The following SLC11A2 variants were observed in gnomAD, a reference collection of about 807,000 sequenced individuals.
SLC11A2 encodes natural resistance-associated macrophage protein 2.
SLC11A2 carries 38 observed loss-of-function variants against 68.0 expected under a neutral mutation model. The observed-to-expected ratio is 0.56, with a 90% CI of 0.43 to 0.73. The LOEUF (loss-of-function observed/expected upper bound fraction) is 0.73, where lower values mean the gene tolerates loss of function less well. Among genes scored for constraint, SLC11A2 ranks in the 30% least tolerant of loss-of-function variants. The pLI is 0.00. For missense variants in SLC11A2, 517 were observed against 690.5 expected, an observed-to-expected ratio of 0.75 and a Z score of 2.82; for synonymous variants, 242 against 250.6, an observed-to-expected ratio of 0.97 and a Z score of 0.32.
rs1368633277 is a variant in SLC11A2, at chr12:51,008,336, T to G, written c.183+140A>C. 4 of 661,094 alleles carry G rather than the reference T, an allele frequency of 6.1e-6. No homozygotes were observed. The East Asian group carries it at 8.5e-5, about 14-fold the overall frequency. The allele number at this position is 661,094 out of a possible 1,614,324, so 41.0% of individuals were successfully genotyped here. On this transcript the variant is annotated intron_variant, in intron 3 of 15. Coordinates refer to ENST00000262052, the MANE Select transcript of SLC11A2 (RefSeq NM_000617.3). ...GTGTGTGTGTGTGTGTATATATATA[T>G]ATAGATATATAGATATAGTCTTCAG...
At chr12:50,955,783 C>A in the SLC11A2 span, among the ~76,000 whole-genome samples, 6 of 151,916 alleles carry the variant, frequency 3.9e-5, no homozygotes, top group Admixed American at 2.0e-4. Context: ...AAAAAAAATT[C>A]GAAAACTCAA....
the SLC11A2 span, among the ~76,000 whole-genome samples, chr12:50,955,960 A>G: frequency 6.6e-6 from 1 of 152,286 alleles, no homozygotes; most frequent in Non-Finnish European, 1.5e-5. Context: ...AATTATAAAC[A>G]AACTAGAGAC....
At chr12:50,994,887 T>C in intron 10 of SLC11A2, 1 of 465,888 alleles carries the variant, frequency 2.1e-6, no homozygotes, top group Non-Finnish European at 3.9e-6. Flanking sequence ...GCTGGGGTAC[T>C]TTAAATGATG....
At chr12:51,005,926 T>A (rs1592382923) in intron 3 of SLC11A2, 1 of 335,018 alleles carries the variant, frequency 3.0e-6, no homozygotes, top group African/African-American at 2.1e-5. Flanking sequence ...CAGGCCATGA[T>A]GGGAGGGAGG....
chr12:50,973,222 C>T, the SLC11A2 span, among the ~76,000 whole-genome samples: 1 of 152,158 alleles, frequency 6.6e-6, no homozygotes, highest in Non-Finnish European at 1.5e-5. Context: ...CCCAAGTAGC[C>T]TAACTGGGAG....
the SLC11A2 span, among the ~76,000 whole-genome samples, chr12:50,967,096 G>A: frequency 6.7e-6 from 1 of 149,710 alleles, no homozygotes; most frequent in African/African-American, 2.5e-5. Context: ...CTTGGGTGAT[G>A]GAGCAAGACT....
At chr12:50,967,184 T>C in the SLC11A2 span, among the ~76,000 whole-genome samples, 1 of 151,920 alleles carries the variant, frequency 6.6e-6, no homozygotes, top group African/African-American at 2.4e-5. Context: ...GGTGCAATCA[T>C]GGCTCACTGC....
chr12:50,997,873 A>T (rs1045871025), intron 8 of SLC11A2, among the ~76,000 whole-genome samples: 1 of 151,578 alleles, frequency 6.6e-6, no homozygotes, highest in African/African-American at 2.4e-5. Context: ...CCGTAATCCC[A>T]GCTACGTGGG....
At chr12:51,004,938 A>C in intron 4 of SLC11A2, 31 bp from the exon 5 acceptor site, 1 of 1,612,848 alleles carries the variant, frequency 6.2e-7, no homozygotes, top group South Asian at 1.1e-5. Flanking sequence ...TGTAACACTC[A>C]TTGAACAACT....
At chr12:50,981,749 C>T (rs200811113), downstream of SLC11A2, 405 of 1,535,588 alleles carry the variant, frequency 2.6e-4, 3 homozygotes, top group Middle Eastern at 8.7e-3. Flanking sequence ...AGTGAGTCAG[C>T]GTCCATGGTG....
intron 6 of SLC11A2, among the ~76,000 whole-genome samples, chr12:50,999,998 ACT>A (rs1942061058): frequency 6.6e-6 from 1 of 151,938 alleles, no homozygotes; most frequent in Non-Finnish European, 1.5e-5. Flanking sequence ...ACGGAGAAAG[ACT>A]CTGTCTCAAA....
chr12:51,015,321 C>T (rs1943561507), intron 1 of SLC11A2, among the ~76,000 whole-genome samples: 1 of 151,278 alleles, frequency 6.6e-6, no homozygotes, highest in South Asian at 2.1e-4. Context: ...ACTAAAAATA[C>T]AAAATTAGCC....
intron 1 of SLC11A2, chr12:51,025,929 G>T: frequency 1.0e-6 from 1 of 998,734 alleles, no homozygotes; most frequent in African/African-American, 1.7e-5. Flanking sequence ...GAAAGACCTT[G>T]CCCTGTGCCC....
the SLC11A2 span, among the ~76,000 whole-genome samples, chr12:50,954,857 A>G: frequency 6.6e-6 from 1 of 152,224 alleles, no homozygotes; most frequent in Admixed American, 6.5e-5. Flanking sequence ...GCTCTGAGTA[A>G]AAGCCTGGAT....
the SLC11A2 span, among the ~76,000 whole-genome samples, chr12:50,954,644 T>C: frequency 2.0e-5 from 3 of 151,926 alleles, no homozygotes; most frequent in Non-Finnish European, 4.4e-5. Context: ...GAGGATTGCT[T>C]GAGCTCAGGA....
At chr12:51,025,473 G>A (rs1592469696) in intron 1 of SLC11A2, among the ~76,000 whole-genome samples, 1 of 152,336 alleles carries the variant, frequency 6.6e-6, no homozygotes, top group Non-Finnish European at 1.5e-5. Flanking sequence ...GGTTCCAGAA[G>A]TCAGTGTAAA....
At chr12:50,972,007 C>A in the SLC11A2 span, among the ~76,000 whole-genome samples, 2 of 152,192 alleles carry the variant, frequency 1.3e-5, no homozygotes, top group Admixed American at 6.5e-5. Flanking sequence ...TTGGTCAACA[C>A]TGTCCTCTTT....
chr12:50,999,473 A>G, intron 6 of SLC11A2, 58 bp from the exon 7 acceptor site: 1 of 1,364,692 alleles, frequency 7.3e-7, no homozygotes, highest in Non-Finnish European at 1.0e-6. Flanking sequence ...AACATTGAAA[A>G]ACACTCTCTT....
rs760586326 is a variant in SLC11A2 at position 50,987,732 on chromosome 12, C to T, written c.*593G>A. On this transcript the variant is annotated 3_prime_UTR_variant, in exon 16 of 16. Coordinates refer to ENST00000262052, the MANE Select transcript of SLC11A2 (RefSeq NM_000617.3). ...TTCTTTGTTTTCTCACCCCTCTTAACTTCCACTGAGAAATTAAAGTGGAAA... is the reference window on the plus strand; with the variant it reads ...TTCTTTGTTTTCTCACCCCTCTTAATTTCCACTGAGAAATTAAAGTGGAAA... 1 of 1,287,072 alleles carries T rather than the reference C, an allele frequency of 7.8e-7. No homozygotes were observed. Among genetic ancestry groups the T allele is most frequent in the South Asian group, 1.2e-5 (1 of 80,926 alleles). The allele number at this position is 1,287,072 out of a possible 1,614,324, so 79.7% of individuals were successfully genotyped here. A position where few individuals can be genotyped will look rare whatever the true frequency, so the allele number is the denominator to read the frequency against.
Sources: gnomAD v4.1 joint callset for allele counts (sites outside exome capture counted in the v4.1 genomes callset) on GRCh38, gnomAD v4.1.1 for gene constraint, MANE v1.5 for transcripts, NCBI Gene and HGNC (gene_info 2026-07-23, HGNC 2026-07-21) for gene names.